Variants in RHOJ observed in about 807,000 individuals in gnomAD.
RHOJ encodes rho-related GTP-binding protein RhoJ.
A neutral mutation model predicts 23.4 loss-of-function variants in RHOJ; 11 were observed. The ratio of observed to expected loss-of-function variants is 0.47; its 90% CI spans 0.30 to 0.78. The LOEUF (loss-of-function observed/expected upper bound fraction) is 0.78, where lower values mean the gene tolerates loss of function less well. Among genes scored for constraint, RHOJ ranks in the 30% least tolerant of loss-of-function variants. RHOJ has a pLI of 0.08. For missense variants in RHOJ, 254 were observed against 273.4 expected (o/e 0.93, Z 0.50); for synonymous variants, 102 against 102.7 (o/e 0.99, Z 0.04).
At chr14:63,254,335 C>T (rs1301249936) in intron 1 of RHOJ, among the ~76,000 whole-genome samples, 1 of 152,090 alleles carries the variant, frequency 6.6e-6, no homozygotes, top group African/African-American at 2.4e-5. Context: ...GCTGGGAAAG[C>T]TACAAGACTC....
intron 1 of RHOJ, among the ~76,000 whole-genome samples, chr14:63,225,890 G>A (rs750653164): frequency 3.3e-5 from 5 of 152,078 alleles, no homozygotes; most frequent in Admixed American, 6.5e-5. Context: ...CAATAGACCC[G>A]GTTCACATCA....
chr14:63,210,206 C>T (rs1894204549), intron 1 of RHOJ, among the ~76,000 whole-genome samples: 1 of 151,874 alleles, frequency 6.6e-6, no homozygotes, highest in South Asian at 2.1e-4. Flanking sequence ...GTGATCTGCC[C>T]ACCTCAGCCT....
At chr14:63,258,298 C>G (rs1895214575) in intron 1 of RHOJ, among the ~76,000 whole-genome samples, 2 of 151,596 alleles carry the variant, frequency 1.3e-5, no homozygotes, top group Non-Finnish European at 2.9e-5. Context: ...AGCCTTTAAC[C>G]TTCTGGTCTA....
At chr14:63,289,499 T>C (rs1289876516) in intron 4 of RHOJ, among the ~76,000 whole-genome samples, 1 of 152,282 alleles carries the variant, frequency 6.6e-6, no homozygotes, top group Non-Finnish European at 1.5e-5. Flanking sequence ...TCTGCTTTAA[T>C]TTTTCAAAGT....
At chr14:63,239,971 C>G (rs1246533168) in intron 1 of RHOJ, among the ~76,000 whole-genome samples, 1 of 152,156 alleles carries the variant, frequency 6.6e-6, no homozygotes, top group Non-Finnish European at 1.5e-5. Context: ...CTCACTATTT[C>G]TAATCCTCAG....
chr14:63,281,183 A>C, intron 3 of RHOJ, 48 bp downstream of exon 3: 1 of 1,553,282 alleles, frequency 6.4e-7, no homozygotes, highest in Non-Finnish European at 8.7e-7. Context: ...AAAAATGGGA[A>C]GACCCTTTAG....
chr14:63,206,815 G>A (rs1488960631), intron 1 of RHOJ, among the ~76,000 whole-genome samples: 1 of 152,164 alleles, frequency 6.6e-6, no homozygotes, highest in Non-Finnish European at 1.5e-5. Flanking sequence ...ATTTCGGCTA[G>A]TCTATTATTT....
At chr14:63,263,957 G>T (rs1455107466) in intron 1 of RHOJ, among the ~76,000 whole-genome samples, 2 of 150,748 alleles carry the variant, frequency 1.3e-5, no homozygotes, top group African/African-American at 4.9e-5. Flanking sequence ...ACTCAGCTCA[G>T]ACACCCCCTC....
intron 1 of RHOJ, among the ~76,000 whole-genome samples, chr14:63,248,592 T>C (rs17100903): frequency 0.031 from 4,708 of 152,368 alleles, 100 homozygotes; most frequent in Middle Eastern, 0.051. Flanking sequence ...TCTTCTGCAA[T>C]TATATAAACT....
At chr14:63,218,703 C>G (rs1894418657) in intron 1 of RHOJ, among the ~76,000 whole-genome samples, 1 of 152,174 alleles carries the variant, frequency 6.6e-6, no homozygotes, top group Non-Finnish European at 1.5e-5. Flanking sequence ...ATACTCTATA[C>G]CAGGGTAATC....
chr14:63,288,423 T>C, intron 4 of RHOJ: 1 of 793,400 alleles, frequency 1.3e-6, no homozygotes, highest in Non-Finnish European at 1.5e-6. Context: ...GCTACAGCAG[T>C]TTCTAGGTAT....
At chr14:63,265,441 G>C (rs1267164730) in intron 1 of RHOJ, among the ~76,000 whole-genome samples, 1 of 152,218 alleles carries the variant, frequency 6.6e-6, no homozygotes, top group Non-Finnish European at 1.5e-5. Flanking sequence ...AGTATAGTTT[G>C]AAGTAGGGTA....
At chr14:63,252,035 G>C (rs989476201) in intron 1 of RHOJ, among the ~76,000 whole-genome samples, 1 of 152,046 alleles carries the variant, frequency 6.6e-6, no homozygotes, top group Non-Finnish European at 1.5e-5. Context: ...GCAGTGAGCC[G>C]AGATCACGCC....
At chr14:63,228,693 G>A (rs1894639118) in intron 1 of RHOJ, among the ~76,000 whole-genome samples, 1 of 151,468 alleles carries the variant, frequency 6.6e-6, no homozygotes. Context: ...TTAAAAATCC[G>A]AAGAATAAAC....
At chr14:63,244,319 C>A (rs2139634218) in intron 1 of RHOJ, among the ~76,000 whole-genome samples, 1 of 151,812 alleles carries the variant, frequency 6.6e-6, no homozygotes, top group East Asian at 1.9e-4. Context: ...GTAATCCCAG[C>A]ACTTTGGGAG....
intron 1 of RHOJ, among the ~76,000 whole-genome samples, chr14:63,257,919 C>G (rs1895204314): frequency 6.7e-6 from 1 of 149,656 alleles, no homozygotes; most frequent in African/African-American, 2.5e-5. Context: ...CACTTTGCCT[C>G]TAACCCATTA....
chr14:63,248,539 C>T (rs1203079112), intron 1 of RHOJ, among the ~76,000 whole-genome samples: 1 of 152,134 alleles, frequency 6.6e-6, no homozygotes, highest in African/African-American at 2.4e-5. Context: ...ATTTCAGAGA[C>T]AGAAAAAATG....
At position 63,272,982 on chromosome 14, in the gene RHOJ, C is replaced by T. The variant is rs2139658088; in HGVS notation, c.237+3814C>T. On this transcript the variant is annotated intron_variant, in intron 2 of 4. Transcript: ENST00000316754. The stretch of plus-strand genomic sequence containing the variant: ...AGGTAGCAGTAAGCTGAGATCGCAC[C>T]ATTGCACTCCAGCCTAGGCAACAAG... 2.0e-5 allele frequency among the ~76,000 whole-genome samples: 3 copies of T among 152,312 alleles called. No homozygotes were observed. In the South Asian group the frequency reaches 6.2e-4, roughly 32 times the overall value.
chr14:63,230,895 C>T (rs905346637), intron 1 of RHOJ, among the ~76,000 whole-genome samples: 44 of 137,712 alleles, frequency 3.2e-4, no homozygotes, highest in African/African-American at 1.2e-3. Context: ...GGCTGGAGTG[C>T]AGTGGTGTGA....
Sources: allele counts gnomAD v4.1 joint callset (sites outside exome capture counted in the v4.1 genomes callset), GRCh38; gene constraint gnomAD v4.1.1; transcripts MANE v1.5; gene names NCBI Gene and HGNC (gene_info 2026-07-23, HGNC 2026-07-21).